The following SNX9 variants were observed in gnomAD, a reference collection of about 807,000 sequenced individuals.
The protein encoded by SNX9 is sorting nexin 9, also known as sorting nexin-9.
In SNX9, 44 loss-of-function variants were observed where a neutral mutation model predicts 89.4. That is an observed-to-expected ratio of 0.49 (90% CI 0.39 to 0.63). SNX9 has a LOEUF of 0.63. Among genes scored for constraint, SNX9 ranks in the 30% least tolerant of loss-of-function variants. The pLI is 0.00. For missense variants in SNX9, 578 were observed against 736.1 expected, an observed-to-expected ratio of 0.79 and a Z score of 2.49; for synonymous variants, 236 against 247.8, an observed-to-expected ratio of 0.95 and a Z score of 0.45.
Position 157,902,133 on chromosome 6 carries a change from C to A in SNX9, c.620+88C>A. 3 of 1,224,252 alleles carry A rather than the reference C, an allele frequency of 2.5e-6. No homozygotes were observed. In the South Asian group the frequency reaches 8.6e-5, roughly 35 times the overall value. 75.8% of individuals were successfully genotyped at this position (1,224,252 alleles called of 1,614,324 possible). A position where few individuals can be genotyped will look rare whatever the true frequency, so the allele number is the denominator to read the frequency against. ...TATACCCTACCAAGAGGCAGCTGGC[C>A]TTTTCCCTTTCCAGTGATCTCCTAA... On this transcript the variant is annotated intron_variant, in intron 6 of 17. Transcript: ENST00000392185.
chr6:157,937,635 A>G (rs1783953547), intron 15 of SNX9, 112 bp downstream of exon 15: 1 of 734,720 alleles, frequency 1.4e-6, no homozygotes, highest in Non-Finnish European at 2.2e-6. Context: ...ACAATCTATA[A>G]TTCCCATTAG....
rs899765402 is a variant in SNX9 at position 157,836,627 on chromosome 6, C to T, written c.12+13181C>T. Among the ~76,000 whole-genome samples the T allele has an allele frequency of 6.0e-5, 9 of 150,870 alleles. No individual in the cohort carries two copies. In the South Asian group the frequency reaches 1.9e-3, roughly 32 times the overall value. On this transcript the variant is annotated intron_variant, in intron 1 of 17. Transcript: ENST00000392185. ...TTTTTTTTTGATACAGAGTCTTACTCTCGCCCAGGCTGGAGTGCAGTGGCG... is the reference window on the plus strand; with the variant it reads ...TTTTTTTTTGATACAGAGTCTTACTTTCGCCCAGGCTGGAGTGCAGTGGCG...
Position 157,921,534 on chromosome 6 carries a change from G to T in SNX9, c.953G>T (p.Arg318Leu). The change falls in exon 10 of 18, where the codon CGC becomes CTC. Residue 318 changes from arginine to leucine, a missense_variant. Arg to Leu is a moderately radical substitution (Grantham distance 102). Coordinates refer to ENST00000392185, the MANE Select transcript of SNX9 (RefSeq NM_016224.5). ...PSLPDKQVTG[R>L]FEEEFIKMRM... ...ATTCTTGGTGTGTCGCTTGCAGGCC[G>T]CTTTGAAGAGGAATTTATCAAAATG... 6.2e-7 allele frequency: 1 copy of T among 1,612,454 alleles called. No individual in the cohort carries two copies. The highest frequency in any genetic ancestry group is 8.5e-7 in the Non-Finnish European group (1 of 1,178,956).
intron 4 of SNX9, among the ~76,000 whole-genome samples, chr6:157,894,615 T>G (rs1782941547): frequency 2.0e-5 from 3 of 152,192 alleles, no homozygotes; most frequent in Admixed American, 1.3e-4. Context: ...AAAAGTTTAT[T>G]TGTAAGATTA....
intron 1 of SNX9, among the ~76,000 whole-genome samples, chr6:157,861,342 G>T (rs1001087032): frequency 4.6e-5 from 7 of 152,104 alleles, no homozygotes; most frequent in Non-Finnish European, 1.0e-4. Flanking sequence ...TAATTGACCC[G>T]CATCCCCTTG....
chr6:157,824,185 G>C (rs987440635), intron 1 of SNX9, among the ~76,000 whole-genome samples: 4 of 152,176 alleles, frequency 2.6e-5, no homozygotes, highest in Non-Finnish European at 5.9e-5. Flanking sequence ...AGGAGCGGTG[G>C]TTTGCTTGTT....
chr6:157,906,202 T>A lies in SNX9; in HGVS notation c.695T>A (p.Ile232Asn). 1.9e-6 allele frequency: 3 copies of A among 1,600,966 alleles called. No individual in the cohort carries two copies. Among genetic ancestry groups the A allele is most frequent in the Non-Finnish European group, 2.5e-6 (3 of 1,176,482 alleles). Reference sequence around the variant, plus strand: ...CAACTAGCAAAACCCAAAGAGAAAATTCCCATCATTGTAAGTTTGTTTATT... The same window carrying A: ...CAACTAGCAAAACCCAAAGAGAAAAATCCCATCATTGTAAGTTTGTTTATT... ...AKQLAKPKEK[I>N]PIIVGDYGPM... The change falls in exon 7 of 18, where the codon ATT (isoleucine) becomes AAT (asparagine). Residue 232 changes from isoleucine (I) to asparagine (N), a missense_variant. By Grantham distance (149) the Ile-to-Asn change is moderately radical. Coordinates refer to ENST00000392185, the MANE Select transcript of SNX9 (RefSeq NM_016224.5).
At chr6:157,852,562 CT>C (rs1382321071) in intron 1 of SNX9, among the ~76,000 whole-genome samples, 1 of 150,916 alleles carries the variant, frequency 6.6e-6, no homozygotes, top group African/African-American at 2.5e-5. Context: ...TTTCCCTTTC[CT>C]GTCCTATGTG....
intron 9 of SNX9, among the ~76,000 whole-genome samples, chr6:157,914,949 T>C (rs1285532548): frequency 6.6e-6 from 1 of 152,348 alleles, no homozygotes; most frequent in South Asian, 2.1e-4. Context: ...TGATGCATTT[T>C]GAGGTTATTT....
At chr6:157,838,660 A>G (rs1032062453) in intron 1 of SNX9, among the ~76,000 whole-genome samples, 1 of 152,228 alleles carries the variant, frequency 6.6e-6, no homozygotes, top group Non-Finnish European at 1.5e-5. Flanking sequence ...ATGATGTAGA[A>G]GAGGATCATT....
intron 16 of SNX9, among the ~76,000 whole-genome samples, chr6:157,939,873 C>G (rs75962148): frequency 0.065 from 9,833 of 151,850 alleles, 346 homozygotes; most frequent in South Asian, 0.11. Context: ...GCTTTCTCAG[C>G]CTGGAGGGTT....
chr6:157,926,780 CAAAAAAAAAAAAA>C (rs71027371), intron 10 of SNX9, among the ~76,000 whole-genome samples: 3 of 60,710 alleles, frequency 4.9e-5, no homozygotes, highest in Non-Finnish European at 9.6e-5. Context: ...GACTCTGTCT[CAAAAAAAAAAAAA>C]AAAAAAAAAA....
chr6:157,878,926 G>T (rs1562602928), intron 4 of SNX9, among the ~76,000 whole-genome samples: 1 of 151,886 alleles, frequency 6.6e-6, no homozygotes, highest in African/African-American at 2.4e-5. Context: ...CTGTCCTTTG[G>T]TGGGGGAAGG....
chr6:157,936,132 A>G (rs1783920159), intron 14 of SNX9, 92 bp downstream of exon 14: 7 of 863,022 alleles, frequency 8.1e-6, no homozygotes, highest in Middle Eastern at 4.7e-4. Context: ...AACGTCCCAA[A>G]TAAGTACCCT....
intron 15 of SNX9, among the ~76,000 whole-genome samples, chr6:157,937,919 A>G (rs1423827426): frequency 2.0e-5 from 3 of 152,240 alleles, no homozygotes; most frequent in East Asian, 1.9e-4. Context: ...AAGGGGTACC[A>G]TAGGTAAATT....
rs1282981549 is a variant in SNX9, at chr6:157,919,792, T to G, written c.950-1739T>G. The stretch of plus-strand genomic sequence containing the variant: ...ATCTTGCTATTTCTTTGCGTATCTC[T>G]TAATTTTTTGTTGAAAACTGGACAT... On this transcript the variant is annotated intron_variant, in intron 9 of 17. Coordinates refer to ENST00000392185, the MANE Select transcript of SNX9 (RefSeq NM_016224.5). 3.9e-5 allele frequency among the ~76,000 whole-genome samples: 6 copies of G among 152,224 alleles called. No homozygotes were observed. The East Asian group carries it at 1.2e-3, about 29-fold the overall frequency.
At chr6:157,929,051 T>C (rs1783755289) in intron 12 of SNX9, among the ~76,000 whole-genome samples, 1 of 152,204 alleles carries the variant, frequency 6.6e-6, no homozygotes, top group African/African-American at 2.4e-5. Context: ...TTCATCCATT[T>C]GGTAAGATGT....
intron 12 of SNX9, among the ~76,000 whole-genome samples, chr6:157,931,294 C>T (rs1783806707): frequency 6.6e-6 from 1 of 152,244 alleles, no homozygotes; most frequent in Non-Finnish European, 1.5e-5. Context: ...AATTTGGATT[C>T]ATGTTTCCTG....
At chr6:157,862,329 G>T (rs756692295) in intron 1 of SNX9, among the ~76,000 whole-genome samples, 31 of 152,132 alleles carry the variant, frequency 2.0e-4, no homozygotes, top group Non-Finnish European at 4.4e-4. Context: ...TGAGGAAGAC[G>T]TTAAATATTA....
Sources: allele counts gnomAD v4.1 joint callset (sites outside exome capture counted in the v4.1 genomes callset), GRCh38; gene constraint gnomAD v4.1.1; transcripts MANE v1.5; gene names NCBI Gene and HGNC (gene_info 2026-07-23, HGNC 2026-07-21).